IQGAP2: variants seen among roughly 807,000 people sequenced by gnomAD.
IQGAP2 encodes the protein ras GTPase-activating-like protein IQGAP2.
IQGAP2 carries 173 observed loss-of-function variants against 201.3 expected under a neutral mutation model. The ratio of observed to expected loss-of-function variants is 0.86; its 90% CI spans 0.76 to 0.98. The LOEUF (loss-of-function observed/expected upper bound fraction) is 0.98. Ranked by LOEUF, IQGAP2 falls within the 50% of genes least tolerant of loss-of-function variation. IQGAP2 has a pLI of 0.00. For missense variants in IQGAP2, 1,687 were observed against 1,864.8 expected (o/e 0.90, Z 1.76); for synonymous variants, 675 against 673.9 (o/e 1.00, Z -0.03).
At chr5:76,704,812 G>A (rs1418706980) in intron 35 of IQGAP2, among the ~76,000 whole-genome samples, 1 of 152,198 alleles carries the variant, frequency 6.6e-6, no homozygotes, top group Non-Finnish European at 1.5e-5. Context: ...TTGCATGAAT[G>A]TGTAAATTGT....
intron 5 of IQGAP2, 138 bp from the exon 6 acceptor site, chr5:76,588,768 T>C (rs1746420133): frequency 4.7e-6 from 2 of 422,010 alleles, no homozygotes; most frequent in Non-Finnish European, 8.6e-6. Flanking sequence ...AGAGACTCAG[T>C]TTCCTCATTT....
intron 2 of IQGAP2, among the ~76,000 whole-genome samples, chr5:76,555,467 C>T (rs976994673): frequency 2.0e-5 from 3 of 152,214 alleles, no homozygotes; most frequent in Non-Finnish European, 2.9e-5. Context: ...ACTTCCTGAA[C>T]ATCAGGCCAA....
intron 2 of IQGAP2, among the ~76,000 whole-genome samples, chr5:76,548,962 A>G (rs537513680): frequency 6.6e-6 from 1 of 152,302 alleles, no homozygotes; most frequent in East Asian, 1.9e-4. Context: ...ATGGGAGAAG[A>G]AGGCATGTTT....
Position 76,403,573 on chromosome 5 carries a change from C to T in IQGAP2, c.28C>T (p.Gln10Ter). ...GCCACACGAAGAGCTGCCGTCGCTG[C>T]AGAGACCCCGCTATGGCTGTAAGTG... is the stretch of plus-strand genomic sequence containing the variant. MPHEELPSL[Q>*]RPRYGSIVDD... Residue 10 changes from glutamine to a stop codon, truncating the protein, a stop_gained, in exon 1 of 36, where the codon CAG becomes TAG. Coordinates refer to ENST00000274364, the MANE Select transcript of IQGAP2 (RefSeq NM_006633.5). LOFTEE classifies it high-confidence loss of function. This position sits in a 1 kb window ranked among gnomAD's most constrained non-coding sequence, Gnocchi z 4.8. The T allele has an allele frequency of 6.5e-7, 1 of 1,542,622 alleles. No individual in the cohort carries two copies. The highest frequency in any genetic ancestry group is 2.0e-5 in the Admixed American group (1 of 50,284).
intron 13 of IQGAP2, among the ~76,000 whole-genome samples, chr5:76,614,907 A>G (rs554015795): frequency 6.0e-4 from 92 of 152,326 alleles, no homozygotes; most frequent in Non-Finnish European, 1.1e-3. Context: ...GGCTACAGCC[A>G]TTAAAGGTCA....
At position 76,658,358 on chromosome 5, in the gene IQGAP2, T is replaced by C. The variant is rs570679886; in HGVS notation, c.2321-101T>C. On this transcript the variant is annotated intron_variant, in intron 20 of 35. Transcript: ENST00000274364. Reference sequence around the variant, plus strand: ...TCTCACCCTAGACCAAGTACTTTCATTGGTATATTTTTCTAGTAATTATTT... The same window carrying C: ...TCTCACCCTAGACCAAGTACTTTCACTGGTATATTTTTCTAGTAATTATTT... 2.2e-5 allele frequency: 21 copies of C among 964,984 alleles called. No individual in the cohort carries two copies. The South Asian group carries it at 3.0e-4, about 14-fold the overall frequency. The allele number at this position is 964,984 out of a possible 1,614,324, so 59.8% of individuals were successfully genotyped here.
At chr5:76,447,751 G>A (rs1753482934) in intron 1 of IQGAP2, among the ~76,000 whole-genome samples, 3 of 152,162 alleles carry the variant, frequency 2.0e-5, no homozygotes, top group South Asian at 4.2e-4. Flanking sequence ...AGCCCGTGGG[G>A]TACACATAGC....
chr5:76,515,703 C>T (rs931501025), intron 2 of IQGAP2, among the ~76,000 whole-genome samples: 9 of 152,076 alleles, frequency 5.9e-5, no homozygotes, highest in African/African-American at 1.4e-4. Flanking sequence ...AGATGTGAAA[C>T]GGCAAAACTC....
At chr5:76,427,139 T>C (rs991661081) in intron 1 of IQGAP2, among the ~76,000 whole-genome samples, 2 of 152,168 alleles carry the variant, frequency 1.3e-5, no homozygotes, top group African/African-American at 4.8e-5. Context: ...GGATGTTTAG[T>C]ATCATCCCTG....
chr5:76,558,510 C>G (rs76207243), intron 2 of IQGAP2, among the ~76,000 whole-genome samples: 3,304 of 151,984 alleles, frequency 0.022, 98 homozygotes, highest in African/African-American at 0.072. Context: ...CTTAACTTGG[C>G]CATATTTTTT....
At chr5:76,643,096 G>A (rs2431347) in intron 17 of IQGAP2, among the ~76,000 whole-genome samples, 143,367 of 152,312 alleles carry the variant, frequency 0.94, 67,754 homozygotes, top group Middle Eastern at 0.98. Flanking sequence ...TAAAATATAA[G>A]TGGAGTAGAT....
At chr5:76,432,194 C>T (rs1339513012) in intron 1 of IQGAP2, among the ~76,000 whole-genome samples, 1 of 128,536 alleles carries the variant, frequency 7.8e-6, no homozygotes, top group Non-Finnish European at 1.6e-5. Context: ...GGCTGGATCT[C>T]AGCTCACTGC....
At chr5:76,436,517 A>ATTTTTT (rs1166580477) in intron 1 of IQGAP2, among the ~76,000 whole-genome samples, 1 of 21,040 alleles carries the variant, frequency 4.8e-5, no homozygotes, top group African/African-American at 3.1e-4. Context: ...ATATATATAT[A>ATTTTTT]TTTTTTTTTT....
chr5:76,410,885 A>G (rs1049688937), intron 1 of IQGAP2, among the ~76,000 whole-genome samples: 2 of 152,204 alleles, frequency 1.3e-5, no homozygotes, highest in Admixed American at 6.5e-5. Context: ...GGATTTTACT[A>G]AGCTCTAATT....
chr5:76,705,890 A>G (rs940460346), intron 35 of IQGAP2, among the ~76,000 whole-genome samples: 6 of 152,254 alleles, frequency 3.9e-5, no homozygotes, highest in African/African-American at 9.6e-5. Context: ...CTATGTTACT[A>G]TGAAATGTTA....
At chr5:76,525,885 G>T (rs1248379162) in intron 2 of IQGAP2, among the ~76,000 whole-genome samples, 3 of 152,226 alleles carry the variant, frequency 2.0e-5, no homozygotes, top group Non-Finnish European at 4.4e-5. Context: ...CAACAACTGT[G>T]AAGTGATATA....
chr5:76,685,596 G>A (rs1022628776), intron 30 of IQGAP2, among the ~76,000 whole-genome samples: 6 of 152,054 alleles, frequency 3.9e-5, no homozygotes, highest in Admixed American at 1.3e-4. Flanking sequence ...TAAAAGTCAG[G>A]CCTGTCTGGA....
intron 2 of IQGAP2, among the ~76,000 whole-genome samples, chr5:76,471,443 G>T (rs6877133): frequency 0.73 from 110,367 of 150,322 alleles, 41,656 homozygotes; most frequent in African/African-American, 0.85. Flanking sequence ...GGTCTCTTTA[G>T]GTAAGCCAAG....
intron 2 of IQGAP2, among the ~76,000 whole-genome samples, chr5:76,483,139 G>A (rs1755893819): frequency 6.6e-6 from 1 of 152,196 alleles, no homozygotes; most frequent in African/African-American, 2.4e-5. Flanking sequence ...CAAAGAATGT[G>A]CGCCTTCAGC....
Sources: allele counts gnomAD v4.1 joint callset (sites outside exome capture counted in the v4.1 genomes callset), GRCh38; gene constraint gnomAD v4.1.1; non-coding constraint Gnocchi (gnomAD v3.1); transcripts MANE v1.5; gene names NCBI Gene and HGNC (gene_info 2026-07-23, HGNC 2026-07-21).